Variants in ASTN1 observed in about 807,000 individuals in gnomAD.
ASTN1 encodes the protein astrotactin-1.
ASTN1 carries 41 observed loss-of-function variants against 140.7 expected under a neutral mutation model. The observed-to-expected ratio is 0.29, with a 90% confidence interval of 0.23 to 0.38. The LOEUF (loss-of-function observed/expected upper bound fraction) is 0.38. Among genes scored for constraint, ASTN1 ranks in the 10% least tolerant of loss-of-function variants. ASTN1 has a pLI of 1.00. For synonymous variants in ASTN1, 640 were observed against 652.2 expected, an observed-to-expected ratio of 0.98 and a Z score of 0.29; for missense variants, 1,479 against 1,678.8, an observed-to-expected ratio of 0.88 and a Z score of 2.08.
At chr1:176,870,190 C>CATTGTTTT (rs1668281175) in intron 21 of ASTN1, among the ~76,000 whole-genome samples, 1 of 152,210 alleles carries the variant, frequency 6.6e-6, no homozygotes, top group Non-Finnish European at 1.5e-5. Flanking sequence ...TCTCTCTAAA[C>CATTGTTTT]AGCTTGGAAA....
Position 177,002,980 on chromosome 1 carries a change from A to G in ASTN1, c.1523+11811T>C, listed in dbSNP as rs532202947. 2.0e-3 allele frequency among the ~76,000 whole-genome samples: 309 copies of G among 152,224 alleles called. 3 individuals carry two copies. Among genetic ancestry groups the G allele is most frequent in the African/African-American group, 6.9e-3 (285 of 41,560 alleles). Reference sequence around the variant, plus strand: ...GTGAGATTAATCGGTAATAAAAAAAAAAGGCCAAAACGAACAAACAAACAA... The same window carrying G: ...GTGAGATTAATCGGTAATAAAAAAAGAAGGCCAAAACGAACAAACAAACAA... On this transcript the variant is annotated intron_variant, in intron 8 of 22. Coordinates refer to ENST00000361833, the MANE Select transcript of ASTN1 (RefSeq NM_004319.3).
At chr1:177,130,859 TGAG>T (rs1261693997) in intron 1 of ASTN1, among the ~76,000 whole-genome samples, 1 of 152,232 alleles carries the variant, frequency 6.6e-6, no homozygotes, top group Non-Finnish European at 1.5e-5. Context: ...GCATTCTCTC[TGAG>T]GTTTGCAGAG....
At chr1:177,139,708 C>A (rs190444785) in intron 1 of ASTN1, among the ~76,000 whole-genome samples, 83 of 152,216 alleles carry the variant, frequency 5.5e-4, no homozygotes, top group Non-Finnish European at 5.9e-5. Context: ...GTGACTTTGT[C>A]TACAGAGAGC....
rs138744561 is a variant in ASTN1 at position 177,020,859 on chromosome 1, TTG to T, written c.1438+2543_1438+2544del. ...TGACTGAGCATCTGTGTTTGTGTGT[TTG>T]TGTGTGTGTGTGTGTAAAAGTACAC... On this transcript the variant is annotated intron_variant, in intron 7 of 22. Coordinates refer to ENST00000361833, the MANE Select transcript of ASTN1 (RefSeq NM_004319.3). Among the ~76,000 whole-genome samples, 27 of 151,468 alleles carry T rather than the reference TTG, an allele frequency of 1.8e-4. No homozygotes were observed. In the East Asian group the frequency reaches 2.3e-3, roughly 13 times the overall value.
downstream of ASTN1, among the ~76,000 whole-genome samples, chr1:176,860,148 A>G (rs1667922532): frequency 6.6e-6 from 1 of 152,178 alleles, no homozygotes; most frequent in Non-Finnish European, 1.5e-5. Flanking sequence ...CAGAAGCCCT[A>G]AGGCCTTTTA....
At chr1:177,015,552 G>GA (rs1466854145) in intron 7 of ASTN1, among the ~76,000 whole-genome samples, 16 of 152,130 alleles carry the variant, frequency 1.1e-4, no homozygotes, top group Non-Finnish European at 2.2e-4. Context: ...AATTATCTGG[G>GA]AGTGGGTCAC....
chr1:177,033,123 C>CTGTGTGTGTG (rs10603141), intron 2 of ASTN1, among the ~76,000 whole-genome samples: 20,753 of 146,156 alleles, frequency 0.14, 1,647 homozygotes, highest in East Asian at 0.22. Context: ...AGAAACAAGT[C>CTGTGTGTGTG]TGTGTGTGTG....
At position 177,032,694 on chromosome 1, in the gene ASTN1, G is replaced by A. The variant is rs757444447; in HGVS notation, c.627C>T (p.Ile209=). Residue 209 remains isoleucine, a synonymous_variant, in exon 3 of 23, where the codon ATC becomes ATT. Transcript: ENST00000361833. ...NEIHYIPSVL[I]GGHGRESLRN... ...GCAGGCTCTCCCGTCCGTGCCCGCC[G>A]ATCAGCACAGAAGGAATGTAGTGAA... 63 of 1,614,088 alleles carry A rather than the reference G, an allele frequency of 3.9e-5. No individual in the cohort carries two copies. The East Asian group carries it at 1.2e-3, about 32-fold the overall frequency.
chr1:177,019,335 G>A (rs754996441), intron 7 of ASTN1, among the ~76,000 whole-genome samples: 3 of 152,136 alleles, frequency 2.0e-5, no homozygotes, highest in Admixed American at 6.5e-5. Context: ...TATTTTTACC[G>A]AAAACCATTT....
chr1:177,085,521 T>C (rs1370577456), intron 1 of ASTN1, among the ~76,000 whole-genome samples: 3 of 152,180 alleles, frequency 2.0e-5, no homozygotes, highest in African/African-American at 7.2e-5. Flanking sequence ...GATCATCTAT[T>C]TGAAGCTAGG....
intron 8 of ASTN1, among the ~76,000 whole-genome samples, chr1:177,003,313 C>T (rs949778491): frequency 6.6e-6 from 1 of 151,646 alleles, no homozygotes; most frequent in Non-Finnish European, 1.5e-5. Context: ...GAGTTTCATC[C>T]TAGGGATGCA....
At chr1:177,033,265 A>T (rs1236634379) in intron 2 of ASTN1, among the ~76,000 whole-genome samples, 1 of 152,028 alleles carries the variant, frequency 6.6e-6, no homozygotes, top group Admixed American at 6.6e-5. Context: ...ATGGGGTGAC[A>T]TCTGGTTTCT....
At chr1:177,113,678 G>T (rs946476937) in intron 1 of ASTN1, among the ~76,000 whole-genome samples, 2 of 152,188 alleles carry the variant, frequency 1.3e-5, no homozygotes, top group African/African-American at 4.8e-5. Context: ...GCTGGGCTGT[G>T]CCCAGATTGC....
At chr1:177,140,819 G>A (rs1249680883) in intron 1 of ASTN1, among the ~76,000 whole-genome samples, 3 of 152,192 alleles carry the variant, frequency 2.0e-5, no homozygotes, top group African/African-American at 4.8e-5. Flanking sequence ...AGAGGCTTTG[G>A]GGTCAGGTAG....
intron 1 of ASTN1, among the ~76,000 whole-genome samples, chr1:177,081,434 T>A (rs1266922000): frequency 2.6e-5 from 4 of 151,872 alleles, no homozygotes; most frequent in East Asian, 3.9e-4. Flanking sequence ...ATACACAGGA[T>A]GGAGTCAGGG....
At chr1:176,947,278 C>T (rs887086113) in intron 12 of ASTN1, among the ~76,000 whole-genome samples, 2 of 152,184 alleles carry the variant, frequency 1.3e-5, no homozygotes, top group African/African-American at 4.8e-5. Flanking sequence ...GTGCCTAACA[C>T]ATAGCTAGTG....
At chr1:177,020,489 C>T (rs1675770121) in intron 7 of ASTN1, among the ~76,000 whole-genome samples, 1 of 152,134 alleles carries the variant, frequency 6.6e-6, no homozygotes, top group Non-Finnish European at 1.5e-5. Context: ...CACATCACCT[C>T]ACTCTGACCT....
intron 16 of ASTN1, among the ~76,000 whole-genome samples, chr1:176,905,324 T>G (rs10442616): frequency 0.06 from 9,104 of 152,176 alleles, 354 homozygotes; most frequent in Non-Finnish European, 0.087. Context: ...TAGCGGAAAA[T>G]TCAATGCCTT....
At chr1:176,968,057 T>C (rs1672961458) in intron 8 of ASTN1, among the ~76,000 whole-genome samples, 1 of 152,170 alleles carries the variant, frequency 6.6e-6, no homozygotes, top group Non-Finnish European at 1.5e-5. Flanking sequence ...GCCTGCCTAT[T>C]TCAAATGCCA....
Sources: gnomAD v4.1 joint callset for allele counts (sites outside exome capture counted in the v4.1 genomes callset) on GRCh38, gnomAD v4.1.1 for gene constraint, MANE v1.5 for transcripts, NCBI Gene and HGNC (gene_info 2026-07-23, HGNC 2026-07-21) for gene names.